The following PTPRS variants were observed in gnomAD, a reference collection of about 807,000 sequenced individuals.
The protein encoded by PTPRS is protein tyrosine phosphatase receptor type S.
A neutral mutation model predicts 215.3 loss-of-function variants in PTPRS; 63 were observed. The ratio of observed to expected loss-of-function variants is 0.29; its 90% CI spans 0.24 to 0.36. PTPRS has a LOEUF of 0.36. PTPRS is among the 10% of genes least tolerant of loss of function. The pLI, the probability that PTPRS is intolerant of heterozygous loss-of-function variation, is 1.00. For missense variants in PTPRS, 2,258 were observed against 2,825.8 expected, an observed-to-expected ratio of 0.80 and a Z score of 4.56; for synonymous variants, 1,404 against 1,191.4, an observed-to-expected ratio of 1.18 and a Z score of -3.68.
At position 5,308,206 on chromosome 19, in the gene PTPRS, G is replaced by A. The variant is rs143564849; in HGVS notation, c.-94-21972C>T. On this transcript the variant is annotated intron_variant, in intron 1 of 37. Transcript: ENST00000262963. The stretch of plus-strand genomic sequence containing the variant: ...ATTTCTTCTCCTGCCAGCCACGCCC[G>A]GAGGGCCTGGTTCCCCTCGACGCTG... Among the ~76,000 whole-genome samples, 669 of 152,310 alleles carry A rather than the reference G, an allele frequency of 4.4e-3. 10 individuals are homozygous for A. Among genetic ancestry groups the A allele is most frequent in the African/African-American group, 0.015 (636 of 41,560 alleles).
intron 2 of PTPRS, among the ~76,000 whole-genome samples, chr19:5,282,715 C>A (rs1318631418): frequency 6.6e-6 from 1 of 151,458 alleles, no homozygotes; most frequent in Non-Finnish European, 1.5e-5. Context: ...GGCAGGAGAA[C>A]TGCTTGAACC....
intron 14 of PTPRS, among the ~76,000 whole-genome samples, chr19:5,229,993 C>A (rs2042887688): frequency 6.6e-6 from 1 of 151,966 alleles, no homozygotes; most frequent in Non-Finnish European, 1.5e-5. Flanking sequence ...CATAACCCTG[C>A]AAGATAGGGT....
rs1199807854 is a variant in PTPRS, at chr19:5,256,126, G to A, written c.707-7C>T. On this transcript the variant is annotated splice_region_variant and splice_polypyrimidine_tract_variant and intron_variant, in intron 8 of 37. Coordinates refer to ENST00000262963, the MANE Select transcript of PTPRS (RefSeq NM_002850.4). ...CACCAACCTTCTCGAAGCTCTGAGG[G>A]ATGTAAAGGGGGTTTGATGCAGAAC... 2.0e-6 allele frequency: 3 copies of A among 1,523,740 alleles called. No individual in the cohort carries two copies. Among genetic ancestry groups the A allele is most frequent in the Non-Finnish European group, 1.8e-6 (2 of 1,101,216 alleles). 94.4% of individuals were successfully genotyped at this position (1,523,740 alleles called of 1,614,324 possible).
chr19:5,337,448 G>A (rs567595423), intron 1 of PTPRS, among the ~76,000 whole-genome samples: 9 of 152,318 alleles, frequency 5.9e-5, no homozygotes, highest in Non-Finnish European at 8.8e-5. Context: ...TTGTATTGGG[G>A]CCATGCAGCC....
At chr19:5,214,233 A>G (rs2041203747) in intron 30 of PTPRS, 128 bp downstream of exon 30, 3 of 1,333,002 alleles carry the variant, frequency 2.3e-6, no homozygotes, top group Non-Finnish European at 3.1e-6. Flanking sequence ...GAATGTAGTC[A>G]GCCTGGGTAG....
chr19:5,337,731 A>G (rs995495933), intron 1 of PTPRS, among the ~76,000 whole-genome samples: 1 of 152,180 alleles, frequency 6.6e-6, no homozygotes, highest in Non-Finnish European at 1.5e-5. Flanking sequence ...CCCCACCCAG[A>G]TGCTACCACG....
intron 11 of PTPRS, 47 bp from the exon 12 acceptor site, chr19:5,240,379 C>T (rs774453018): frequency 1.3e-6 from 2 of 1,518,654 alleles, no homozygotes; most frequent in South Asian, 1.3e-5. Context: ...GCGTCCACCC[C>T]ACAAAGGGGG....
chr19:5,272,365 AG>A (rs1232295882), intron 4 of PTPRS, among the ~76,000 whole-genome samples: 2 of 152,026 alleles, frequency 1.3e-5, no homozygotes, highest in Non-Finnish European at 2.9e-5. Flanking sequence ...TGGGAGGCTG[AG>A]GCAGGCGGAT....
chr19:5,320,460 C>A (rs2049996380), intron 1 of PTPRS, among the ~76,000 whole-genome samples: 1 of 152,168 alleles, frequency 6.6e-6, no homozygotes, highest in South Asian at 2.1e-4. Flanking sequence ...AGACGGAGTT[C>A]GCTCTGTCCC....
Position 5,211,662 on chromosome 19 carries a change from C to T in PTPRS, c.5162G>A (p.Arg1721Gln), listed in dbSNP as rs759915847. Residue 1721 changes from arginine (R) to glutamine (Q), a missense_variant, in exon 33 of 38, where the codon CGG (arginine) becomes CAG (glutamine). Around this residue, in one of 6 missense-constraint regions of PTPRS, gnomAD observed 927 missense variants for 1,125.9 expected, o/e 0.82. Transcript: ENST00000262963. ...ACCCCGGATGGGTTGCAGACAGACC[C>T]GTGTGCTCTCATAGGGCATGATGTT... is the stretch of plus-strand genomic sequence containing the variant. ...LVNIMPYEST[R>Q]VCLQPIRGVE... 48 of 1,613,964 alleles carry T rather than the reference C, an allele frequency of 3.0e-5. No homozygotes were observed. The highest frequency in any genetic ancestry group is 6.7e-5 in the East Asian group (3 of 44,890).
At chr19:5,279,905 G>A (rs1410208617) in intron 2 of PTPRS, among the ~76,000 whole-genome samples, 7 of 151,946 alleles carry the variant, frequency 4.6e-5, no homozygotes, top group African/African-American at 9.7e-5. Flanking sequence ...GGATGGTCTC[G>A]ATCTCCTGAC....
chr19:5,215,055 G>C (rs2041294986), intron 28 of PTPRS, among the ~76,000 whole-genome samples: 1 of 152,256 alleles, frequency 6.6e-6, no homozygotes, highest in Non-Finnish European at 1.5e-5. Flanking sequence ...GATGTCCCCT[G>C]GGCAGCAAAA....
rs370399999 is a variant in PTPRS at position 5,222,697 on chromosome 19, C to T, written c.3095G>A (p.Arg1032Gln). The T allele has an allele frequency of 2.4e-4, 374 of 1,585,736 alleles. 5 individuals carry two copies. The highest frequency in any genetic ancestry group is 9.7e-4 in the East Asian group (43 of 44,124). Residue 1032 changes from arginine (R) to glutamine (Q), a missense_variant, in exon 18 of 38, where the codon CGG becomes CAG. Physicochemically the swap from Arg to Gln is conservative, Grantham distance 43 (BLOSUM62 1). Around this residue, in one of 6 missense-constraint regions of PTPRS, gnomAD observed 361 missense variants for 332.6 expected, o/e 1.09. Transcript: ENST00000262963. Reference sequence around the variant, plus strand: ...GGTCGCCGCGCGCCTACCTTGGTCCCGCAGGAACGTCCGGTAGCGGACGGG... The same window carrying T: ...GGTCGCCGCGCGCCTACCTTGGTCCTGCAGGAACGTCCGGTAGCGGACGGG... ...SPPVRYRTFL[R>Q]DQVSPKNFKV...
At position 5,212,073 on chromosome 19, in the gene PTPRS, C is replaced by T; in HGVS notation, c.4947G>A (p.Val1649=). The T allele has an allele frequency of 6.2e-7, 1 of 1,614,082 alleles. No homozygotes were observed. The highest frequency in any genetic ancestry group is 8.5e-7 in the Non-Finnish European group (1 of 1,180,048). Residue 1649 remains valine (V), a synonymous_variant, in exon 32 of 38, where the codon GTG becomes GTA. Transcript: ENST00000262963. ...SFIHEALLEA[V]GCGNTEVPAR... is the part of the protein sequence containing the mutation. ...CGGGCACTTCTGTGTTGCCACAGCC[C>T]ACGGCCTCCAGCAGGGCCTCGTGGA...
intron 4 of PTPRS, among the ~76,000 whole-genome samples, chr19:5,268,278 T>A (rs954660778): frequency 2.0e-5 from 3 of 152,148 alleles, no homozygotes; most frequent in African/African-American, 7.2e-5. Context: ...GAGTTTTGGG[T>A]TGTTGCTGCG....
Position 5,229,335 on chromosome 19 carries a change from G to C in PTPRS, c.2357C>G (p.Thr786Arg), listed in dbSNP as rs761681941. The change falls in exon 16 of 38, where the codon ACG becomes AGG. Residue 786 changes from threonine (T) to arginine (R), a missense_variant. Transcript: ENST00000262963. ...ACTTACATATTCGGCCGTGTCATCCGTCTCCCACTGAGCGCGGGAGGAGGC... is the reference window on the plus strand; with the variant it reads ...ACTTACATATTCGGCCGTGTCATCCCTCTCCCACTGAGCGCGGGAGGAGGC... Reference protein sequence around the residue: ...DVMLADAQWETDDTAEYEMVI... With the variant: ...DVMLADAQWERDDTAEYEMVI... The C allele has an allele frequency of 1.4e-6, 2 of 1,383,010 alleles. No homozygotes were observed. The highest frequency in any genetic ancestry group is 1.9e-6 in the Non-Finnish European group (2 of 1,063,786). 85.7% of individuals were successfully genotyped at this position (1,383,010 alleles called of 1,614,324 possible).
intron 13 of PTPRS, among the ~76,000 whole-genome samples, chr19:5,234,682 G>A (rs886575409): frequency 2.0e-5 from 3 of 152,168 alleles, no homozygotes; most frequent in South Asian, 2.1e-4. Context: ...CCCCTACTGC[G>A]TGCCAGGCAC....
chr19:5,260,874 G>A, intron 6 of PTPRS, 52 bp from the exon 7 acceptor site: 1 of 1,603,500 alleles, frequency 6.2e-7, no homozygotes, highest in Non-Finnish European at 8.5e-7. Flanking sequence ...GGTTGTTGGG[G>A]GGCCGGGGGG....
chr19:5,256,319 C>T (rs1241674812), intron 8 of PTPRS, among the ~76,000 whole-genome samples, 200 bp from the exon 9 acceptor site: 9 of 151,680 alleles, frequency 5.9e-5, no homozygotes, highest in African/African-American at 2.2e-4. Context: ...TGTCTTCTCT[C>T]CACTCTGCCC....
Sources: gnomAD v4.1 joint callset for allele counts (sites outside exome capture counted in the v4.1 genomes callset) on GRCh38, gnomAD v4.1.1 for gene constraint, gnomAD v4.1.1 regional missense constraint, MANE v1.5 for transcripts, NCBI Gene and HGNC (gene_info 2026-07-23, HGNC 2026-07-21) for gene names.